The following PLEKHA5 variants were observed in gnomAD, a reference collection of about 807,000 sequenced individuals.
PLEKHA5 encodes the protein pleckstrin homology domain containing A5.
In PLEKHA5, 55 loss-of-function variants were observed where a neutral mutation model predicts 181.9. That is an observed-to-expected ratio of 0.30 (90% CI 0.24 to 0.38). PLEKHA5 has a LOEUF of 0.38. Among genes scored for constraint, PLEKHA5 ranks in the 10% least tolerant of loss-of-function variants. The pLI, the probability that PLEKHA5 is intolerant of heterozygous loss-of-function variation, is 1.00. For missense variants in PLEKHA5, 1,432 were observed against 1,549.5 expected, an observed-to-expected ratio of 0.92 and a Z score of 1.27; for synonymous variants, 535 against 529.4, an observed-to-expected ratio of 1.01 and a Z score of -0.15.
intron 3 of PLEKHA5, among the ~76,000 whole-genome samples, chr12:19,211,158 G>C (rs1186716004): frequency 6.6e-6 from 1 of 152,048 alleles, no homozygotes; most frequent in Non-Finnish European, 1.5e-5. Context: ...GAATAAGATA[G>C]AGAGTTGCCC....
At chr12:19,224,207 A>G (rs964550509) in intron 3 of PLEKHA5, among the ~76,000 whole-genome samples, 3 of 152,170 alleles carry the variant, frequency 2.0e-5, no homozygotes, top group Admixed American at 1.3e-4. Flanking sequence ...AACTATAGCT[A>G]TTTTTTGAAT....
At chr12:19,198,703 T>C (rs796296641) in intron 3 of PLEKHA5, among the ~76,000 whole-genome samples, 1 of 152,196 alleles carries the variant, frequency 6.6e-6, no homozygotes, top group African/African-American at 2.4e-5. Context: ...TTACAAATTT[T>C]TAATACTTAA....
intron 26 of PLEKHA5, among the ~76,000 whole-genome samples, chr12:19,357,618 GGTTTGTTTGTTT>G (rs34121449): frequency 5.8e-4 from 88 of 151,034 alleles, no homozygotes; most frequent in African/African-American, 2.0e-3. Flanking sequence ...GAGTTATGGG[GGTTTGTTTGTTT>G]GTTTGTTTGT....
In PLEKHA5 at chr12:19,336,539, T is replaced by G; in HGVS notation, c.2473T>G (p.Tyr825Asp). 1 of 1,604,988 alleles carries G rather than the reference T, an allele frequency of 6.2e-7. No homozygotes were observed. The highest frequency in any genetic ancestry group is 8.5e-7 in the Non-Finnish European group (1 of 1,172,940). ...GGAATTGGAACGAGCATGGAGAGAA[T>G]ATGATAAGTTAGAATACGATGTAAC... ...TAELERAWREYDKLEYDVTVT... is the reference protein window; with the variant it reads ...TAELERAWREDDKLEYDVTVT... Residue 825 changes from tyrosine to aspartate, a missense_variant, in exon 21 of 32, where the codon TAT (tyrosine) becomes GAT (aspartate). Coordinates refer to ENST00000429027, the MANE Select transcript of PLEKHA5 (RefSeq NM_001256470.2).
At chr12:19,206,951 AGAC>A (rs1228774153) in intron 3 of PLEKHA5, among the ~76,000 whole-genome samples, 1 of 152,184 alleles carries the variant, frequency 6.6e-6, no homozygotes, top group Non-Finnish European at 1.5e-5. Context: ...ATTATTTCAC[AGAC>A]TGTGACAAAG....
At chr12:19,138,204 A>G (rs985433214) in intron 3 of PLEKHA5, among the ~76,000 whole-genome samples, 2 of 152,152 alleles carry the variant, frequency 1.3e-5, no homozygotes, top group East Asian at 3.9e-4. Flanking sequence ...ATTTTTTTAA[A>G]TAACAGATAA....
intron 29 of PLEKHA5, among the ~76,000 whole-genome samples, chr12:19,362,986 T>A (rs2153234345): frequency 6.6e-6 from 1 of 151,998 alleles, no homozygotes; most frequent in African/African-American, 2.4e-5. Context: ...ATCTGCAGAT[T>A]TTGCTATCTG....
intron 3 of PLEKHA5, among the ~76,000 whole-genome samples, chr12:19,246,220 C>T (rs1277836096): frequency 1.3e-5 from 2 of 151,760 alleles, no homozygotes; most frequent in East Asian, 3.9e-4. Context: ...CCTCGTGATC[C>T]ACCCGCCTTG....
At chr12:19,227,037 G>A (rs1188360288) in intron 3 of PLEKHA5, among the ~76,000 whole-genome samples, 2 of 151,974 alleles carry the variant, frequency 1.3e-5, no homozygotes, top group African/African-American at 4.8e-5. Flanking sequence ...CCTCTTTTGT[G>A]ATGTTTTCTA....
chr12:19,140,136 A>G (rs1286283072), intron 3 of PLEKHA5, among the ~76,000 whole-genome samples: 1 of 152,198 alleles, frequency 6.6e-6, no homozygotes, highest in Non-Finnish European at 1.5e-5. Flanking sequence ...AATGAAATAA[A>G]CCAAAAAATT....
chr12:19,357,195 A>G (rs960062439), intron 26 of PLEKHA5, among the ~76,000 whole-genome samples: 2 of 149,006 alleles, frequency 1.3e-5, no homozygotes, highest in Non-Finnish European at 3.0e-5. Flanking sequence ...GTTTTATGCA[A>G]TTTTCTATTT....
chr12:19,265,936 G>T (rs372619656), intron 8 of PLEKHA5, 86 bp downstream of exon 8: 7 of 666,014 alleles, frequency 1.1e-5, no homozygotes, highest in South Asian at 8.1e-5. Context: ...TTACAAAAAA[G>T]CTACCTTATA....
intron 3 of PLEKHA5, among the ~76,000 whole-genome samples, chr12:19,140,896 C>T (rs1228990046): frequency 6.6e-6 from 1 of 152,176 alleles, no homozygotes; most frequent in Non-Finnish European, 1.5e-5. Flanking sequence ...TCAAGTGATT[C>T]TCCTGCTTCA....
intron 3 of PLEKHA5, among the ~76,000 whole-genome samples, chr12:19,239,650 T>C (rs1270207409): frequency 2.6e-5 from 4 of 152,350 alleles, no homozygotes; most frequent in Admixed American, 6.5e-5. Context: ...TCAAAACTTA[T>C]ATAACACATT....
intron 13 of PLEKHA5, 48 bp downstream of exon 13, chr12:19,287,604 A>G (rs915119471): frequency 1.0e-6 from 1 of 992,014 alleles, no homozygotes; most frequent in African/African-American, 1.6e-5. Context: ...TATGTGCTGC[A>G]CAGGAAGGTA....
At chr12:19,151,427 T>C (rs1335027001) in intron 3 of PLEKHA5, 1 of 150,062 alleles carries the variant, frequency 6.7e-6, no homozygotes, top group African/African-American at 2.5e-5. Context: ...TTGCTGAATT[T>C]AGTTTCAGTA....
chr12:19,200,535 C>T (rs2053961875), intron 3 of PLEKHA5: 2 of 1,324,494 alleles, frequency 1.5e-6, no homozygotes, highest in Admixed American at 6.5e-5. Flanking sequence ...CCTCAGAATG[C>T]TTGTCTCACT....
chr12:19,211,528 A>G (rs576815900), intron 3 of PLEKHA5, among the ~76,000 whole-genome samples: 8 of 152,192 alleles, frequency 5.3e-5, no homozygotes, highest in South Asian at 2.1e-4. Context: ...TTTACGGCCT[A>G]TGGAATCCCT....
At chr12:19,205,485 T>G (rs1459323683) in intron 3 of PLEKHA5, 12 of 470,844 alleles carry the variant, frequency 2.5e-5, no homozygotes, top group Non-Finnish European at 3.3e-5. Flanking sequence ...CTCTAATCGG[T>G]CAGTTATTCC....
Sources: gnomAD v4.1 joint callset for allele counts (sites outside exome capture counted in the v4.1 genomes callset) on GRCh38, gnomAD v4.1.1 for gene constraint, MANE v1.5 for transcripts, NCBI Gene and HGNC (gene_info 2026-07-23, HGNC 2026-07-21) for gene names.